MEIS2: variants seen among roughly 807,000 people sequenced by gnomAD.
The protein encoded by MEIS2 is homeobox protein Meis2.
In MEIS2, 9 loss-of-function variants were observed where a neutral mutation model predicts 58.6. The ratio of observed to expected loss-of-function variants is 0.15; its 90% CI spans 0.09 to 0.27. The LOEUF (loss-of-function observed/expected upper bound fraction) is 0.27, where lower values mean the gene tolerates loss of function less well. MEIS2 is among the 10% of genes least tolerant of loss of function. The pLI, the probability that MEIS2 is intolerant of heterozygous loss-of-function variation, is 1.00. For missense variants in MEIS2, 427 were observed against 635.0 expected, an observed-to-expected ratio of 0.67 and a Z score of 3.52; for synonymous variants, 221 against 228.4, an observed-to-expected ratio of 0.97 and a Z score of 0.29.
At chr15:36,987,032 A>G (rs1272337697) in intron 8 of MEIS2, among the ~76,000 whole-genome samples, 2 of 152,182 alleles carry the variant, frequency 1.3e-5, no homozygotes, top group Non-Finnish European at 2.9e-5. Context: ...GATTTAGATA[A>G]GAAAATAAAA....
At chr15:37,097,806 G>A (rs993359314) in intron 2 of MEIS2, among the ~76,000 whole-genome samples, 161 bp downstream of exon 2, 4 of 152,256 alleles carry the variant, frequency 2.6e-5, no homozygotes, top group Non-Finnish European at 5.9e-5. Flanking sequence ...AGGGGCAGAA[G>A]AGCAGGCCCC....
At chr15:37,007,138 A>G (rs2060950313) in intron 8 of MEIS2, among the ~76,000 whole-genome samples, 1 of 152,208 alleles carries the variant, frequency 6.6e-6, no homozygotes, top group African/African-American at 2.4e-5. Flanking sequence ...GGATGGGTCC[A>G]ATTTGTCTGA....
intron 1 of MEIS2, 65 bp downstream of exon 1, chr15:37,099,390 C>T: frequency 6.2e-7 from 1 of 1,607,996 alleles, no homozygotes; most frequent in Non-Finnish European, 8.5e-7. Flanking sequence ...GGAGAGGAGG[C>T]ATCGGGACAG....
intron 8 of MEIS2, chr15:37,036,325 T>TA (rs2062150838): frequency 6.6e-6 from 1 of 152,176 alleles, no homozygotes; most frequent in African/African-American, 2.4e-5. Flanking sequence ...GACATATTTG[T>TA]AAACTGCTTC....
rs71126247 is a variant in MEIS2, at chr15:36,971,537, T to TAAAAAAAAAA, written c.901-21147_901-21138dup. On this transcript the variant is annotated intron_variant, in intron 8 of 11. Coordinates refer to ENST00000561208, the MANE Select transcript of MEIS2 (RefSeq NM_170675.5). ...GTATTACTTGTATGCCTTGTTACATTAAAAAAAAAAAAAAAAAAAAAAAAA... is the reference window on the plus strand; with the variant it reads ...GTATTACTTGTATGCCTTGTTACATTAAAAAAAAAAAAAAAAAAAAAAAAAAAAAAAAAAA... Among the ~76,000 whole-genome samples the TAAAAAAAAAA allele has an allele frequency of 1.1e-3, 71 of 67,090 alleles. 3 individuals are homozygous for TAAAAAAAAAA. The highest frequency in any genetic ancestry group is 3.4e-3 in the African/African-American group (48 of 14,152). 44.0% of individuals were successfully genotyped at this position (67,090 alleles called of 152,430 possible).
chr15:37,077,307 G>A (rs527359932), intron 7 of MEIS2, among the ~76,000 whole-genome samples: 21 of 152,126 alleles, frequency 1.4e-4, no homozygotes, highest in African/African-American at 3.6e-4. Flanking sequence ...TGATTATGGC[G>A]TTAAAACCAG....
At chr15:37,048,589 T>C (rs1418257175) in intron 7 of MEIS2, among the ~76,000 whole-genome samples, 5 of 152,126 alleles carry the variant, frequency 3.3e-5, no homozygotes, top group Non-Finnish European at 7.4e-5. Flanking sequence ...CGAAGGTTTT[T>C]TGAATATTTC....
In MEIS2 at chr15:37,057,494, C is replaced by T. The variant is rs578226535; in HGVS notation, c.755-20535G>A. 8.1e-4 allele frequency among the ~76,000 whole-genome samples: 123 copies of T among 152,222 alleles called. 1 individual carries two copies. The South Asian group carries it at 9.3e-3, about 12-fold the overall frequency. ...CGGAGTGCAGCTGCCATTCTGAACC[C>T]AAACCAAGGTAAAGAACAATTCATA... On this transcript the variant is annotated intron_variant, in intron 7 of 11. Coordinates refer to ENST00000561208, the MANE Select transcript of MEIS2 (RefSeq NM_170675.5).
intron 11 of MEIS2, chr15:36,894,946 G>A (rs2056090708): frequency 3.2e-6 from 3 of 933,720 alleles, no homozygotes; most frequent in Non-Finnish European, 5.2e-6. Context: ...GATGTGTATG[G>A]GGCAGAGTAT....
intron 8 of MEIS2, among the ~76,000 whole-genome samples, chr15:37,008,672 T>G (rs886786135): frequency 6.6e-6 from 1 of 152,250 alleles, no homozygotes; most frequent in African/African-American, 2.4e-5. Context: ...GGTAAAAGTT[T>G]GCCATTTGCT....
intron 8 of MEIS2, among the ~76,000 whole-genome samples, chr15:36,991,670 A>C (rs962803005): frequency 1.3e-5 from 2 of 151,886 alleles, no homozygotes. Context: ...CTTTGTGAGC[A>C]TTAGAAATAT....
At chr15:36,895,400 G>A (rs2056121426) in intron 10 of MEIS2, 139 bp from the exon 11 acceptor site, 1 of 682,780 alleles carries the variant, frequency 1.5e-6, no homozygotes, top group Non-Finnish European at 2.5e-6. Context: ...TGGTTTGTCT[G>A]AGTGTCTTGA....
intron 9 of MEIS2, among the ~76,000 whole-genome samples, chr15:36,930,768 C>T (rs1406359368): frequency 2.0e-5 from 3 of 152,184 alleles, no homozygotes; most frequent in Admixed American, 1.3e-4. Flanking sequence ...CATGTATGCT[C>T]ATCATATATA....
chr15:37,036,784 A>AC (rs1555456951), intron 8 of MEIS2, 30 bp downstream of exon 8: 2 of 1,479,168 alleles, frequency 1.4e-6, no homozygotes, highest in South Asian at 1.2e-5. Context: ...AACAAAAACT[A>AC]TTTTTTTTTT....
chr15:36,991,483 A>C (rs2060271105), intron 8 of MEIS2, among the ~76,000 whole-genome samples: 1 of 152,274 alleles, frequency 6.6e-6, no homozygotes, highest in South Asian at 2.1e-4. Context: ...ATTTAAACAA[A>C]TGAGAGCTTA....
chr15:37,018,692 C>G (rs1307685839), intron 8 of MEIS2, among the ~76,000 whole-genome samples: 2 of 152,050 alleles, frequency 1.3e-5, no homozygotes, highest in Non-Finnish European at 2.9e-5. Flanking sequence ...CATAAACAAG[C>G]AAATAAAAGA....
chr15:36,936,255 T>C (rs575696207), intron 9 of MEIS2, among the ~76,000 whole-genome samples: 42 of 133,250 alleles, frequency 3.2e-4, no homozygotes, highest in African/African-American at 1.2e-3. Context: ...AGTGCAGTGG[T>C]GCGATCTCGG....
chr15:37,053,138 A>G (rs1166680148), intron 7 of MEIS2, among the ~76,000 whole-genome samples: 2 of 152,212 alleles, frequency 1.3e-5, no homozygotes, highest in East Asian at 1.9e-4. Context: ...TTATTCATAT[A>G]CCTGTGGTAA....
rs535468791 is a variant in MEIS2, at chr15:37,061,825, T to G, written c.754+21946A>C. Among the ~76,000 whole-genome samples the G allele has an allele frequency of 2.3e-4, 35 of 152,294 alleles. No individual in the cohort carries two copies. The East Asian group carries it at 6.4e-3, about 28-fold the overall frequency. On this transcript the variant is annotated intron_variant, in intron 7 of 11. Transcript: ENST00000561208. ...GCATTTCCTCTTAACTTTCAAAATC[T>G]GGATATCTTCCTATAAATAAAATGG...
Sources: allele counts gnomAD v4.1 joint callset (sites outside exome capture counted in the v4.1 genomes callset), GRCh38; gene constraint gnomAD v4.1.1; transcripts MANE v1.5; gene names NCBI Gene and HGNC (gene_info 2026-07-23, HGNC 2026-07-21).